Variants in ZNF423 observed in about 807,000 individuals in gnomAD.
ZNF423 encodes the protein Ebf-associated zinc finger protein.
Under a neutral mutation model 95.8 loss-of-function variants are expected in ZNF423, and 12 were observed. The ratio of observed to expected loss-of-function variants is 0.13; its 90% CI spans 0.08 to 0.20. The LOEUF (loss-of-function observed/expected upper bound fraction) is 0.20. Ranked by LOEUF, ZNF423 falls within the 10% of genes least tolerant of loss-of-function variation. The pLI, the probability that ZNF423 is intolerant of heterozygous loss-of-function variation, is 1.00. For synonymous variants in ZNF423, 749 were observed against 711.9 expected (o/e 1.05, Z -0.83); for missense variants, 1,316 against 1,737.1 (o/e 0.76, Z 4.31).
At chr16:49,850,158 G>C (rs1042200940) in intron 1 of ZNF423, among the ~76,000 whole-genome samples, 1 of 152,140 alleles carries the variant, frequency 6.6e-6, no homozygotes, top group Admixed American at 6.5e-5. Flanking sequence ...GGCTGCCACC[G>C]ATCCTGGCAG....
chr16:49,795,526 C>T (rs866895947), intron 1 of ZNF423, among the ~76,000 whole-genome samples: 4 of 152,230 alleles, frequency 2.6e-5, no homozygotes, highest in South Asian at 2.1e-4. Context: ...GAATCATCAT[C>T]GCTCATCAGA....
At chr16:49,789,438 C>T in intron 2 of ZNF423, 49 bp downstream of exon 2, 1 of 1,567,524 alleles carries the variant, frequency 6.4e-7, no homozygotes, top group Non-Finnish European at 8.6e-7. Flanking sequence ...GTTCCTGGGC[C>T]AGCCCCCAGG....
intron 1 of ZNF423, among the ~76,000 whole-genome samples, chr16:49,809,980 G>A (rs1479231630): frequency 1.3e-5 from 2 of 152,000 alleles, no homozygotes; most frequent in Non-Finnish European, 2.9e-5. Context: ...CTCGAGGACA[G>A]GGGCAACCAT....
intron 1 of ZNF423, chr16:49,822,623 C>T: frequency 6.6e-7 from 1 of 1,506,446 alleles, no homozygotes; most frequent in Non-Finnish European, 9.0e-7. Flanking sequence ...CTTCTGTCTG[C>T]CTACTTCCCT....
chr16:49,550,789 C>T (rs1044584414), intron 5 of ZNF423, among the ~76,000 whole-genome samples: 6 of 152,232 alleles, frequency 3.9e-5, no homozygotes, highest in Non-Finnish European at 5.9e-5. Context: ...GGGATGTGGC[C>T]GGCCCAACAA....
At chr16:49,735,791 T>C (rs1238327926) in intron 2 of ZNF423, among the ~76,000 whole-genome samples, 1 of 152,150 alleles carries the variant, frequency 6.6e-6, no homozygotes, top group Non-Finnish European at 1.5e-5. Flanking sequence ...GCACACCATC[T>C]TGGACATCCC....
chr16:49,666,769 G>A (rs574745226), intron 3 of ZNF423, among the ~76,000 whole-genome samples: 2 of 152,314 alleles, frequency 1.3e-5, no homozygotes, highest in Admixed American at 1.3e-4. Flanking sequence ...CTGGTAGTAA[G>A]GACTCTTATT....
chr16:49,804,778 T>C (rs1437667234), intron 1 of ZNF423, among the ~76,000 whole-genome samples: 1 of 151,992 alleles, frequency 6.6e-6, no homozygotes, highest in African/African-American at 2.4e-5. Context: ...ACCAACCCTG[T>C]GCACACCAAC....
At chr16:49,518,555 T>A (rs1242105749) in intron 7 of ZNF423, 5 of 434,858 alleles carry the variant, frequency 1.1e-5, no homozygotes, top group East Asian at 1.4e-4. Flanking sequence ...AGCTTTCACA[T>A]CAGTTACACA....
intron 3 of ZNF423, among the ~76,000 whole-genome samples, chr16:49,675,956 G>A (rs1162517042): frequency 2.6e-5 from 4 of 152,120 alleles, no homozygotes; most frequent in Non-Finnish European, 2.9e-5. Flanking sequence ...ACGCACACAC[G>A]CACCTGCATA....
chr16:49,755,945 G>A (rs1567328624), intron 2 of ZNF423, among the ~76,000 whole-genome samples: 3 of 152,174 alleles, frequency 2.0e-5, no homozygotes, highest in Non-Finnish European at 4.4e-5. Context: ...CCCTGCCTCG[G>A]AGGAGATCAT....
chr16:49,496,152 G>A lies in ZNF423; in HGVS notation c.3850-4848C>T, dbSNP rs1967158335. 2.6e-5 allele frequency among the ~76,000 whole-genome samples: 4 copies of A among 152,360 alleles called. No individual in the cohort carries two copies. The Middle Eastern group carries it at 0.01, about 389-fold the overall frequency. Reference sequence around the variant, plus strand: ...GCAGGAAGCTTTCGTGGGCCGAGATGGGCTACGCCTTGGGTTTGAATCTTG... The same window carrying A: ...GCAGGAAGCTTTCGTGGGCCGAGATAGGCTACGCCTTGGGTTTGAATCTTG... On this transcript the variant is annotated intron_variant, in intron 7 of 7. Transcript: ENST00000563137.
At chr16:49,849,473 CT>C (rs1405235987) in intron 1 of ZNF423, among the ~76,000 whole-genome samples, 1 of 152,210 alleles carries the variant, frequency 6.6e-6, no homozygotes, top group Admixed American at 6.5e-5. Flanking sequence ...ACACTGCAAT[CT>C]CATTTGATGG....
intron 5 of ZNF423, among the ~76,000 whole-genome samples, chr16:49,621,333 AG>A (rs979739833): frequency 5.3e-5 from 8 of 152,168 alleles, no homozygotes; most frequent in Non-Finnish European, 8.8e-5. Context: ...TGCTATTGAA[AG>A]GTTTCCAAAG....
At position 49,708,429 on chromosome 16, in the gene ZNF423, G is replaced by A. The variant is rs1403042806; in HGVS notation, c.301+22342C>T. Among the ~76,000 whole-genome samples, 6 of 152,190 alleles carry A rather than the reference G, an allele frequency of 3.9e-5. No individual in the cohort carries two copies. The South Asian group carries it at 1.0e-3, about 26-fold the overall frequency. On this transcript the variant is annotated intron_variant, in intron 3 of 7. Transcript: ENST00000563137. ...AGCCTCCCCAGTAGCTGGGATTACA[G>A]GTGTGTGCCACCATGTCCAGCTAAT...
chr16:49,703,634 T>G (rs1049108999), intron 3 of ZNF423, among the ~76,000 whole-genome samples: 2 of 152,176 alleles, frequency 1.3e-5, no homozygotes, highest in Admixed American at 1.3e-4. Context: ...GGACAAAGGC[T>G]CCAGAGAGGC....
chr16:49,683,586 A>G (rs983534151), intron 3 of ZNF423, among the ~76,000 whole-genome samples: 1 of 152,162 alleles, frequency 6.6e-6, no homozygotes, highest in Non-Finnish European at 1.5e-5. Flanking sequence ...TCTATGCCAC[A>G]AGGTACATTG....
At chr16:49,644,490 TAA>T (rs1379664045) in intron 3 of ZNF423, among the ~76,000 whole-genome samples, 26 of 130,048 alleles carry the variant, frequency 2.0e-4, no homozygotes, top group Admixed American at 1.6e-4. Context: ...CCCTGTCTCT[TAA>T]AAAAAAAAAA....
At chr16:49,578,846 T>C (rs1476300858) in intron 5 of ZNF423, among the ~76,000 whole-genome samples, 1 of 152,242 alleles carries the variant, frequency 6.6e-6, no homozygotes, top group Non-Finnish European at 1.5e-5. Context: ...GGTCATTCTC[T>C]GGCCTTGCCA....
Sources: allele counts gnomAD v4.1 joint callset (sites outside exome capture counted in the v4.1 genomes callset), GRCh38; gene constraint gnomAD v4.1.1; transcripts MANE v1.5; gene names NCBI Gene and HGNC (gene_info 2026-07-23, HGNC 2026-07-21).